Variants in C4orf51 observed in about 807,000 individuals in gnomAD.
C4orf51 encodes uncharacterized protein C4orf51.
Under a neutral mutation model 25.2 loss-of-function variants are expected in C4orf51, and 25 were observed. The ratio of observed to expected loss-of-function variants is 0.99; its 90% CI spans 0.72 to 1.39. The LOEUF is 1.39. C4orf51 is among the 40% of genes most tolerant of loss of function. C4orf51 has a pLI of 0.00. For missense variants in C4orf51, 252 were observed against 239.6 expected (o/e 1.05, Z -0.34); for synonymous variants, 100 against 84.5 (o/e 1.18, Z -1.01).
At chr4:145,707,953 C>G (rs1164938226) in intron 2 of C4orf51, among the ~76,000 whole-genome samples, 5 of 152,212 alleles carry the variant, frequency 3.3e-5, no homozygotes, top group African/African-American at 1.2e-4. Flanking sequence ...GGGATTCTGT[C>G]CCAGGGGTGG....
At chr4:145,781,065 G>C in the C4orf51 span, among the ~76,000 whole-genome samples, 1 of 151,628 alleles carries the variant, frequency 6.6e-6, no homozygotes, top group South Asian at 2.1e-4. Context: ...GCGTGGTGGC[G>C]GGCGCCTGAA....
At chr4:145,703,198 A>C (rs1006893733) in intron 2 of C4orf51, among the ~76,000 whole-genome samples, 3 of 151,210 alleles carry the variant, frequency 2.0e-5, no homozygotes, top group African/African-American at 7.3e-5. Flanking sequence ...CCACCACAAA[A>C]CAAGTGTAAA....
At chr4:145,764,956 G>A (rs553358086) in intron 1 of C4orf51, 30 of 1,608,524 alleles carry the variant, frequency 1.9e-5, no homozygotes, top group Non-Finnish European at 2.3e-5. Context: ...TAATAACAAC[G>A]CAGTAAAAGG....
rs370040440 is a variant in C4orf51 at position 145,761,749 on chromosome 4, G to A, written n.167-9239G>A. Among the ~76,000 whole-genome samples, 1 of 152,344 alleles carries A rather than the reference G, an allele frequency of 6.6e-6. No individual in the cohort carries two copies. The stretch of plus-strand genomic sequence containing the variant: ...AGCCCAGCCCTGCCGCCTCTCAGGG[G>A]TGGAACGGCCCTTTTTGGCTCTCCC... On this transcript the variant is annotated intron_variant and non_coding_transcript_variant, in intron 1 of 1. Transcript: ENST00000510096. The surrounding 1 kb of genome is among the most constrained non-coding windows in gnomAD (Gnocchi z 6.8).
intron 5 of C4orf51, among the ~76,000 whole-genome samples, chr4:145,731,470 C>G (rs1162108965): frequency 6.7e-6 from 1 of 149,448 alleles, no homozygotes; most frequent in African/African-American, 2.5e-5. Context: ...ACACACCACA[C>G]AATTAATATG....
chr4:145,751,295 T>C (rs1733660229), intron 1 of C4orf51, among the ~76,000 whole-genome samples: 1 of 152,178 alleles, frequency 6.6e-6, no homozygotes, highest in Non-Finnish European at 1.5e-5. Flanking sequence ...TTGAAAGGCT[T>C]TCCAATTCTT....
intron 1 of C4orf51, among the ~76,000 whole-genome samples, chr4:145,749,817 G>A (rs1055397118): frequency 4.0e-5 from 6 of 151,882 alleles, no homozygotes; most frequent in Admixed American, 3.9e-4. Context: ...GTTATTTTTA[G>A]TAGAGACGGG....
At chr4:145,742,843 G>A (rs1733176245) in intron 1 of C4orf51, among the ~76,000 whole-genome samples, 1 of 152,158 alleles carries the variant, frequency 6.6e-6, no homozygotes. Context: ...CCCAGCCAGA[G>A]CATTTTCTTC....
At chr4:145,764,746 T>C (rs1735022716) in intron 1 of C4orf51, 6 of 548,164 alleles carry the variant, frequency 1.1e-5, no homozygotes, top group Non-Finnish European at 2.0e-5. Flanking sequence ...CGTGTCTTTT[T>C]TCTTGCCCTG....
chr4:145,789,678 C>T, the C4orf51 span, among the ~76,000 whole-genome samples: 1 of 152,170 alleles, frequency 6.6e-6, no homozygotes, highest in African/African-American at 2.4e-5. Context: ...ATACTCTCAA[C>T]CATTTATTAC....
At chr4:145,703,943 TA>T in intron 2 of C4orf51, among the ~76,000 whole-genome samples, 1 of 152,202 alleles carries the variant, frequency 6.6e-6, no homozygotes, top group Non-Finnish European at 1.5e-5. Flanking sequence ...AGAAAAGGCA[TA>T]AAAATTTATT....
chr4:145,763,480 G>T lies in C4orf51; in HGVS notation n.167-7508G>T, dbSNP rs1479231578. Among the ~76,000 whole-genome samples, 1 of 152,192 alleles carries T rather than the reference G, an allele frequency of 6.6e-6. No homozygotes were observed. The highest frequency in any genetic ancestry group is 1.5e-5 in the Non-Finnish European group (1 of 68,038). On this transcript the variant is annotated intron_variant and non_coding_transcript_variant, in intron 1 of 1. Coordinates refer to the C4orf51 transcript ENST00000510096. This position sits in a 1 kb window ranked among gnomAD's most constrained non-coding sequence, Gnocchi z 4.6. ...TCCTAGAACATAAACTATTACACAGGGGACGGTTAGCACCGCACGGGAAGT... is the reference window on the plus strand; with the variant it reads ...TCCTAGAACATAAACTATTACACAGTGGACGGTTAGCACCGCACGGGAAGT...
downstream of C4orf51, among the ~76,000 whole-genome samples, chr4:145,737,058 A>G (rs1317681106): frequency 6.6e-6 from 1 of 151,976 alleles, no homozygotes; most frequent in Non-Finnish European, 1.5e-5. Flanking sequence ...TCATCTCCTT[A>G]TCTACCAGTC....
chr4:145,761,065 G>A lies in C4orf51; in HGVS notation n.167-9923G>A, dbSNP rs1361813352. ...GGCCACGGTCTGCAGAGCCTGGGAG[G>A]CAGACATAACTGACAGGGGAGACAG... is the stretch of plus-strand genomic sequence containing the variant. On this transcript the variant is annotated intron_variant and non_coding_transcript_variant, in intron 1 of 1. Transcript: ENST00000510096. This position sits in a 1 kb window ranked among gnomAD's most constrained non-coding sequence, Gnocchi z 6.8. 2 of 1,289,292 alleles carry A rather than the reference G, an allele frequency of 1.6e-6. No homozygotes were observed. Among genetic ancestry groups the A allele is most frequent in the Non-Finnish European group, 1.0e-6 (1 of 988,588 alleles). 79.9% of individuals were successfully genotyped at this position (1,289,292 alleles called of 1,614,324 possible).
chr4:145,759,738 T>C (rs539496694), intron 1 of C4orf51: 1 of 152,302 alleles, frequency 6.6e-6, no homozygotes, highest in South Asian at 2.1e-4. Context: ...CATAGCACTG[T>C]GCAAAACTGC....
intron 2 of C4orf51, among the ~76,000 whole-genome samples, chr4:145,712,034 T>C (rs924395600): frequency 2.0e-5 from 3 of 152,214 alleles, no homozygotes; most frequent in Admixed American, 6.5e-5. Context: ...GATGTTATTA[T>C]TGTAATTGTT....
rs1425584113 is a variant in C4orf51, at chr4:145,763,485, G to A, written n.167-7503G>A. On this transcript the variant is annotated intron_variant and non_coding_transcript_variant, in intron 1 of 1. Coordinates refer to the C4orf51 transcript ENST00000510096. This position sits in a 1 kb window ranked among gnomAD's most constrained non-coding sequence, Gnocchi z 4.6. ...GAACATAAACTATTACACAGGGGAC[G>A]GTTAGCACCGCACGGGAAGTGTCTG... is the stretch of plus-strand genomic sequence containing the variant. 6.6e-6 allele frequency among the ~76,000 whole-genome samples: 1 copy of A among 152,190 alleles called. No individual in the cohort carries two copies. The highest frequency in any genetic ancestry group is 2.4e-5 in the African/African-American group (1 of 41,452).
rs1734547886 is a variant in C4orf51, at chr4:145,761,794, G to A, written n.167-9194G>A. On this transcript the variant is annotated intron_variant and non_coding_transcript_variant, in intron 1 of 1. Transcript: ENST00000510096. The surrounding 1 kb of genome is among the most constrained non-coding windows in gnomAD (Gnocchi z 6.8). ...TCTCCCTGCTGACAGAGCAGTCCCC[G>A]CTGACAAGCAGCTCTGGCAAGGTCC... 6.6e-6 allele frequency among the ~76,000 whole-genome samples: 1 copy of A among 152,200 alleles called. No individual in the cohort carries two copies. The highest frequency in any genetic ancestry group is 2.1e-4 in the South Asian group (1 of 4,814).
At chr4:145,686,035 G>C (rs2126656818) in intron 1 of C4orf51, among the ~76,000 whole-genome samples, 1 of 152,140 alleles carries the variant, frequency 6.6e-6, no homozygotes, top group South Asian at 2.1e-4. Flanking sequence ...CATCAATAAA[G>C]AAATAAACAA....
Sources: gnomAD v4.1 joint callset for allele counts (sites outside exome capture counted in the v4.1 genomes callset) on GRCh38, gnomAD v4.1.1 for gene constraint, Gnocchi (gnomAD v3.1) non-coding constraint, MANE v1.5 for transcripts, NCBI Gene and HGNC (gene_info 2026-07-23, HGNC 2026-07-21) for gene names.